Variants in DLGAP2 observed in about 807,000 individuals in gnomAD.
DLGAP2 encodes the protein DLG associated protein 2.
A neutral mutation model predicts 100.3 loss-of-function variants in DLGAP2; 26 were observed. That is an observed-to-expected ratio of 0.26 (90% CI 0.19 to 0.36). DLGAP2 has a LOEUF of 0.36. Among genes scored for constraint, DLGAP2 ranks in the 10% least tolerant of loss-of-function variants. DLGAP2 has a pLI of 1.00. For missense variants in DLGAP2, 1,858 were observed against 1,453.2 expected (o/e 1.28, Z -4.53); for synonymous variants, 886 against 630.1 (o/e 1.41, Z -6.08).
At chr8:1,567,078 G>T (rs1417461421) in intron 6 of DLGAP2, among the ~76,000 whole-genome samples, 1 of 152,192 alleles carries the variant, frequency 6.6e-6, no homozygotes, top group Non-Finnish European at 1.5e-5. Context: ...TCTTAGACTT[G>T]TTGGAAGGAA....
At chr8:1,165,719 C>T (rs1797002183) in intron 2 of DLGAP2, among the ~76,000 whole-genome samples, 1 of 152,114 alleles carries the variant, frequency 6.6e-6, no homozygotes, top group African/African-American at 2.4e-5. Flanking sequence ...GTGTTACAAA[C>T]AATATTATGA....
intron 3 of DLGAP2, among the ~76,000 whole-genome samples, chr8:1,259,346 T>C (rs1416494554): frequency 2.0e-5 from 3 of 152,328 alleles, no homozygotes; most frequent in East Asian, 1.9e-4. Flanking sequence ...TATTTAACTT[T>C]CTACGCAAGT....
chr8:919,985 C>T (rs1798674650), intron 2 of DLGAP2, among the ~76,000 whole-genome samples: 1 of 152,222 alleles, frequency 6.6e-6, no homozygotes. Flanking sequence ...CAGCGATTCA[C>T]TGGGAGGACT....
intron 4 of DLGAP2, among the ~76,000 whole-genome samples, chr8:1,534,594 A>G (rs28712719): frequency 2.5e-3 from 387 of 152,358 alleles, no homozygotes; most frequent in Admixed American, 7.9e-3. Context: ...GACATCTATG[A>G]GCAGTTTTTC....
chr8:1,254,235 G>A (rs989288140), intron 2 of DLGAP2, among the ~76,000 whole-genome samples: 6 of 152,142 alleles, frequency 3.9e-5, no homozygotes, highest in Admixed American at 1.3e-4. Flanking sequence ...TGGTGAAGCC[G>A]GCGTCTCCCC....
chr8:1,586,891 T>C (rs1796138323), intron 6 of DLGAP2, among the ~76,000 whole-genome samples: 1 of 152,232 alleles, frequency 6.6e-6, no homozygotes, highest in Non-Finnish European at 1.5e-5. Flanking sequence ...GGCATGTGGC[T>C]CCCTCTGAAG....
rs572651748 is a variant in DLGAP2 at position 811,445 on chromosome 8, C to A, written c.18+73620C>A. Among the ~76,000 whole-genome samples the A allele has an allele frequency of 4.4e-3, 656 of 147,956 alleles. 5 individuals are homozygous for A. Among genetic ancestry groups the A allele is most frequent in the African/African-American group, 0.015 (614 of 39,666 alleles). ...GGCCACCAGCTTTCGGATGAAGCTC[C>A]CATCAACCTTGGAATGAGCAGGAAC... On this transcript the variant is annotated intron_variant, in intron 1 of 14. Coordinates refer to ENST00000637795, the MANE Select transcript of DLGAP2 (RefSeq NM_001346810.2).
chr8:1,600,863 C>A (rs528580274), intron 6 of DLGAP2, among the ~76,000 whole-genome samples: 1 of 152,056 alleles, frequency 6.6e-6, no homozygotes, highest in Non-Finnish European at 1.5e-5. Flanking sequence ...TTTCTGAAAC[C>A]TACTTCTATA....
chr8:752,664 A>G (rs568046230), intron 1 of DLGAP2, among the ~76,000 whole-genome samples: 1 of 152,166 alleles, frequency 6.6e-6, no homozygotes, highest in Non-Finnish European at 1.5e-5. Flanking sequence ...CCCTCCTGAA[A>G]TTTATAAACG....
At chr8:1,355,059 C>T (rs1030382414) in intron 3 of DLGAP2, among the ~76,000 whole-genome samples, 17 of 151,948 alleles carry the variant, frequency 1.1e-4, no homozygotes, top group African/African-American at 3.9e-4. Flanking sequence ...ACGGATGATG[C>T]TGTGGATGAG....
At chr8:1,100,204 G>A (rs1181406943) in intron 2 of DLGAP2, among the ~76,000 whole-genome samples, 1 of 150,496 alleles carries the variant, frequency 6.6e-6, no homozygotes, top group East Asian at 2.0e-4. Flanking sequence ...TGTCCACAGT[G>A]TACAGCGTGT....
At chr8:1,223,686 T>C (rs1181921467) in intron 2 of DLGAP2, among the ~76,000 whole-genome samples, 1 of 152,232 alleles carries the variant, frequency 6.6e-6, no homozygotes, top group African/African-American at 2.4e-5. Flanking sequence ...GAGCAAGACT[T>C]GTCTGCCACT....
chr8:1,100,770 A>G (rs1183435919), intron 2 of DLGAP2, among the ~76,000 whole-genome samples: 1 of 152,168 alleles, frequency 6.6e-6, no homozygotes, highest in African/African-American at 2.4e-5. Flanking sequence ...AGAGTTTTGT[A>G]AGAAGGAGGG....
intron 13 of DLGAP2, among the ~76,000 whole-genome samples, chr8:1,692,469 C>T (rs1385661592): frequency 2.0e-5 from 3 of 151,712 alleles, no homozygotes; most frequent in Non-Finnish European, 4.4e-5. Flanking sequence ...GGATATGGCC[C>T]TGGTTTAAGC....
intron 6 of DLGAP2, among the ~76,000 whole-genome samples, chr8:1,571,119 A>G (rs1164783473): frequency 3.1e-4 from 27 of 88,228 alleles, no homozygotes; most frequent in African/African-American, 4.0e-4. Context: ...GATGAGATGG[A>G]GAGGAGAAAG....
chr8:843,086 T>C (rs190116965), intron 1 of DLGAP2, among the ~76,000 whole-genome samples: 41 of 152,354 alleles, frequency 2.7e-4, no homozygotes, highest in African/African-American at 6.7e-4. Flanking sequence ...TTGTTTTCTG[T>C]AATAATTTTT....
intron 7 of DLGAP2, among the ~76,000 whole-genome samples, chr8:1,630,015 T>G (rs974109384): frequency 6.6e-6 from 1 of 152,142 alleles, no homozygotes; most frequent in Non-Finnish European, 1.5e-5. Flanking sequence ...TTGGAAACAA[T>G]GGTTAAGCAG....
chr8:1,018,886 A>T (rs1397449329), intron 2 of DLGAP2: 1 of 152,164 alleles, frequency 6.6e-6, no homozygotes, highest in Non-Finnish European at 1.5e-5. Flanking sequence ...TTGTGCAATG[A>T]CAAGCTGGTG....
intron 3 of DLGAP2, among the ~76,000 whole-genome samples, chr8:1,416,823 C>G (rs997248608): frequency 6.6e-6 from 1 of 152,202 alleles, no homozygotes; most frequent in Non-Finnish European, 1.5e-5. Context: ...CCTTTTCTGT[C>G]TCTCCTCAGA....
Sources: allele counts gnomAD v4.1 joint callset (sites outside exome capture counted in the v4.1 genomes callset), GRCh38; gene constraint gnomAD v4.1.1; transcripts MANE v1.5; gene names NCBI Gene and HGNC (gene_info 2026-07-23, HGNC 2026-07-21).